ECE2: variants seen among roughly 807,000 people sequenced by gnomAD.
ECE2 encodes endothelin converting enzyme 2, also known as endothelin-converting enzyme 2.
A neutral mutation model predicts 100.6 loss-of-function variants in ECE2; 81 were observed. That is an observed-to-expected ratio of 0.81 (90% CI 0.67 to 0.97). ECE2 has a LOEUF of 0.97. ECE2 is among the 50% of genes least tolerant of loss of function. The pLI is 0.00. For synonymous variants in ECE2, 391 were observed against 391.5 expected (o/e 1.00, Z 0.02); for missense variants, 911 against 988.1 (o/e 0.92, Z 1.05).
Position 184,290,310 on chromosome 3 carries a change from C to A in ECE2, c.1607C>A (p.Ser536Tyr). ...FQNMLNLYNF[S>Y]AKVMADQLRK... ...AACATGTTGAATTTGTACAACTTCTCTGCCAAGGTTATGGCTGACCAGCTC... is the reference window on the plus strand; with the variant it reads ...AACATGTTGAATTTGTACAACTTCTATGCCAAGGTTATGGCTGACCAGCTC... Residue 536 changes from serine to tyrosine, a missense_variant, in exon 14 of 19, where the codon TCT becomes TAT. Physicochemically the swap from Ser to Tyr is moderately radical, Grantham distance 144. Coordinates refer to ENST00000404464, the MANE Select transcript of ECE2 (RefSeq NM_001100121.2). The A allele has an allele frequency of 6.2e-7, 1 of 1,614,154 alleles. No individual in the cohort carries two copies. The highest frequency in any genetic ancestry group is 8.5e-7 in the Non-Finnish European group (1 of 1,180,022).
chr3:184,289,511 G>A lies in ECE2; in HGVS notation c.1449G>A (p.Lys483=). 3 of 1,612,790 alleles carry A rather than the reference G, an allele frequency of 1.9e-6. No individual in the cohort carries two copies. The highest frequency in any genetic ancestry group is 2.2e-5 in the East Asian group (1 of 44,852). ...GACAGCTGGTTTGGATGGATGAGAA[G>A]ACCCGCCAGGCAGCCAAGGAGAAAG... The part of the protein sequence containing the change: ...ALGQLVWMDE[K]TRQAAKEKAD... The change falls in exon 12 of 19, where the codon AAG becomes AAA. Residue 483 remains lysine (K), a synonymous_variant. Transcript: ENST00000404464. This position sits in a 1 kb window ranked among gnomAD's most constrained non-coding sequence, Gnocchi z 4.1.
At chr3:184,283,203 T>C (rs1720877550) in intron 7 of ECE2, among the ~76,000 whole-genome samples, 1 of 152,098 alleles carries the variant, frequency 6.6e-6, no homozygotes, top group South Asian at 2.1e-4. Context: ...TGCTGTAACT[T>C]GGAACAATGC....
intron 4 of ECE2, 45 bp downstream of exon 4, chr3:184,277,511 G>A (rs893666510): frequency 6.2e-7 from 1 of 1,601,450 alleles, no homozygotes. Context: ...TATGTGCCTT[G>A]TGCCCAGCAC....
In ECE2 at chr3:184,276,571, G is replaced by A. The variant is rs1457938970; in HGVS notation, c.126+4G>A. The A allele has an allele frequency of 6.2e-7, 1 of 1,606,748 alleles. No individual in the cohort carries two copies. Among genetic ancestry groups the A allele is most frequent in the Non-Finnish European group, 8.5e-7 (1 of 1,177,446 alleles). On this transcript the variant is annotated splice_donor_region_variant and intron_variant, in intron 2 of 18. Transcript: ENST00000404464. ...GGCCTCCCCGGACGCCATGGAGGTG[G>A]GCAAGGGGGCTTCCCCTTTCTCACC...
intron 2 of ECE2, 117 bp from the exon 3 acceptor site, chr3:184,276,775 G>C: frequency 6.4e-7 from 1 of 1,560,968 alleles, no homozygotes; most frequent in Non-Finnish European, 8.7e-7. Flanking sequence ...TGGCCTCATT[G>C]CCCCCGGGCC....
chr3:184,278,197 G>A lies in ECE2; in HGVS notation c.634G>A (p.Asp212Asn). 1.9e-6 allele frequency: 3 copies of A among 1,614,152 alleles called. No individual in the cohort carries two copies. The highest frequency in any genetic ancestry group is 2.2e-5 in the South Asian group (2 of 91,082). ...IGGWNITGPW[D>N]QDNFMEVLKA... ...TGGTTGGAACATTACGGGGCCCTGGGACCAGGACAACTTTATGGAGGTGTT... is the reference window on the plus strand; with the variant it reads ...TGGTTGGAACATTACGGGGCCCTGGAACCAGGACAACTTTATGGAGGTGTT... Residue 212 changes from aspartate (D) to asparagine (N), a missense_variant, in exon 6 of 19, where the codon GAC (aspartate) becomes AAC (asparagine). Coordinates refer to ENST00000404464, the MANE Select transcript of ECE2 (RefSeq NM_001100121.2).
rs371149039 is a variant in ECE2, at chr3:184,285,092, C to T, written c.1135C>T (p.Arg379Cys). The stretch of plus-strand genomic sequence containing the variant: ...GCAGCAGGTGTCAGAGCTCATCAAC[C>T]GCACGGAACCAAGGTGTGGGGGTAG... The part of the protein sequence containing the change: ...YLQQVSELIN[R>C]TEPSILNNYL... The change falls in exon 9 of 19, where the codon CGC becomes TGC. Residue 379 changes from arginine to cysteine, a missense_variant. Physicochemically the swap from Arg to Cys is radical, Grantham distance 180. Transcript: ENST00000404464. 5.1e-5 allele frequency: 82 copies of T among 1,613,912 alleles called. No individual in the cohort carries two copies. Among genetic ancestry groups the T allele is most frequent in the Non-Finnish European group, 6.4e-5 (75 of 1,179,892 alleles).
chr3:184,283,773 G>A lies in ECE2; in HGVS notation c.817-12G>A, dbSNP rs371174475. The A allele has an allele frequency of 1.2e-4, 196 of 1,612,060 alleles. No homozygotes were observed. The highest frequency in any genetic ancestry group is 1.6e-4 in the Non-Finnish European group (187 of 1,179,120). The stretch of plus-strand genomic sequence containing the variant: ...TGTTGCTGGGCTCTGAGGATCACCC[G>A]GGCCTTGACAGGTGCTCACTGCCTA... On this transcript the variant is annotated splice_polypyrimidine_tract_variant and intron_variant, in intron 7 of 18. Coordinates refer to ENST00000404464, the MANE Select transcript of ECE2 (RefSeq NM_001100121.2).
At chr3:184,280,987 A>G (rs1014444853) in intron 7 of ECE2, among the ~76,000 whole-genome samples, 10 of 152,014 alleles carry the variant, frequency 6.6e-5, no homozygotes, top group African/African-American at 2.4e-4. Context: ...TCAAAAAAAA[A>G]AAAAAGAAAG....
rs761197819 is a variant in ECE2, at chr3:184,292,230, G to A, written c.2290G>A (p.Val764Met). The A allele has an allele frequency of 1.2e-6, 2 of 1,613,922 alleles. No individual in the cohort carries two copies. The highest frequency in any genetic ancestry group is 1.7e-6 in the Non-Finnish European group (2 of 1,179,978). ...CATGAACCCAGGGCAGCTGTGTGAG[G>A]TGTGGTAGACCTGGATCAGGGGAGA... ...SPMNPGQLCE[V>M]W The change falls in exon 19 of 19, where the codon GTG becomes ATG. Residue 764 changes from valine to methionine, a missense_variant. By Grantham distance (21) the Val-to-Met change is conservative (BLOSUM62 1). Coordinates refer to ENST00000404464, the MANE Select transcript of ECE2 (RefSeq NM_001100121.2).
In ECE2 at chr3:184,291,775, T is replaced by C; in HGVS notation, c.2122-287T>C. 1.9e-6 allele frequency: 1 copy of C among 513,754 alleles called. No homozygotes were observed. The highest frequency in any genetic ancestry group is 3.4e-6 in the Non-Finnish European group (1 of 290,184). The allele number at this position is 513,754 out of a possible 1,614,324, so 31.8% of individuals were successfully genotyped here. A position where few individuals can be genotyped will look rare whatever the true frequency, so the allele number is the denominator to read the frequency against. ...AGGGAGACATGCAGGAAACGAAAGC[T>C]CGGGACGCAGAGTGGCCTGTCCAGG... On this transcript the variant is annotated intron_variant, in intron 18 of 18. Coordinates refer to ENST00000404464, the MANE Select transcript of ECE2 (RefSeq NM_001100121.2). The surrounding 1 kb of genome is among the most constrained non-coding windows in gnomAD (Gnocchi z 4.1).
Position 184,291,899 on chromosome 3 carries a change from C to G in ECE2, c.2122-163C>G. The stretch of plus-strand genomic sequence containing the variant: ...CTTCTGGGGCTCCGCTTTTTCCCCT[C>G]GTCATGTCCATGCTGGGCAACCCGA... On this transcript the variant is annotated intron_variant, in intron 18 of 18. Transcript: ENST00000404464. The surrounding 1 kb of genome is among the most constrained non-coding windows in gnomAD (Gnocchi z 4.1). 1.3e-6 allele frequency: 1 copy of G among 745,380 alleles called. No homozygotes were observed. The highest frequency in any genetic ancestry group is 2.1e-6 in the Non-Finnish European group (1 of 469,954). The allele number at this position is 745,380 out of a possible 1,614,324, so 46.2% of individuals were successfully genotyped here.
chr3:184,290,458 G>A (rs146323761), intron 14 of ECE2, 99 bp from the exon 15 acceptor site: 18 of 1,555,134 alleles, frequency 1.2e-5, no homozygotes, highest in Admixed American at 3.4e-5. Context: ...GTCCCAGACC[G>A]GCGGCCCCAT....
At chr3:184,278,662 T>C in intron 7 of ECE2, 105 bp downstream of exon 7, 3 of 1,186,428 alleles carry the variant, frequency 2.5e-6, no homozygotes, top group African/African-American at 1.5e-5. Context: ...GGTGAGCCTA[T>C]CCTGTCACCT....
chr3:184,280,586 G>A (rs1234758927), intron 7 of ECE2, among the ~76,000 whole-genome samples: 1 of 152,198 alleles, frequency 6.6e-6, no homozygotes, highest in Admixed American at 6.5e-5. Context: ...CAGGGTGTCT[G>A]TAATCCAAAC....
rs1721198794 is a variant in ECE2, at chr3:184,289,300, A to G, written c.1375-137A>G. ...ATGGTGTTTCCTTCTCATCGTCTCC[A>G]GGTGCTCAGCCGTATTTCTTTAGTC... On this transcript the variant is annotated intron_variant, in intron 11 of 18. Coordinates refer to ENST00000404464, the MANE Select transcript of ECE2 (RefSeq NM_001100121.2). This position sits in a 1 kb window ranked among gnomAD's most constrained non-coding sequence, Gnocchi z 4.1. 1 of 720,390 alleles carries G rather than the reference A, an allele frequency of 1.4e-6. No homozygotes were observed. Among genetic ancestry groups the G allele is most frequent in the South Asian group, 1.9e-5 (1 of 53,226 alleles). The allele number at this position is 720,390 out of a possible 1,614,324, so 44.6% of individuals were successfully genotyped here.
intron 4 of ECE2, 143 bp from the exon 5 acceptor site, chr3:184,277,782 C>CT: frequency 7.5e-7 from 1 of 1,335,530 alleles, no homozygotes; most frequent in Admixed American, 2.2e-5. Flanking sequence ...GAAGCCACGG[C>CT]TTGCTGTTTC....
Position 184,289,112 on chromosome 3 carries a change from G to A in ECE2, c.1375-325G>A, listed in dbSNP as rs149538056. On this transcript the variant is annotated intron_variant, in intron 11 of 18. Transcript: ENST00000404464. The surrounding 1 kb of genome is among the most constrained non-coding windows in gnomAD (Gnocchi z 4.1). ...GGAGGTTGCAGTGAGCCGAGATTGC[G>A]CCACTGCACTCCATCCTAGGTAACA... is the stretch of plus-strand genomic sequence containing the variant. 3.2e-3 allele frequency among the ~76,000 whole-genome samples: 474 copies of A among 149,788 alleles called. 3 individuals carry two copies. The highest frequency in any genetic ancestry group is 0.011 in the African/African-American group (439 of 40,608).
Position 184,291,586 on chromosome 3 carries a change from G to T in ECE2, c.2121+147G>T. 1.3e-6 allele frequency: 1 copy of T among 788,306 alleles called. No homozygotes were observed. The highest frequency in any genetic ancestry group is 1.9e-6 in the Non-Finnish European group (1 of 519,770). The allele number at this position is 788,306 out of a possible 1,614,324, so 48.8% of individuals were successfully genotyped here. The stretch of plus-strand genomic sequence containing the variant: ...TGAAAGGTGGGCTGGGAAGGCCCAT[G>T]CCCAGAGCCTCCGGCCAGCCAGGGC... On this transcript the variant is annotated intron_variant, in intron 18 of 18. Coordinates refer to ENST00000404464, the MANE Select transcript of ECE2 (RefSeq NM_001100121.2). This position sits in a 1 kb window ranked among gnomAD's most constrained non-coding sequence, Gnocchi z 4.1.
Sources: gnomAD v4.1 joint callset for allele counts (sites outside exome capture counted in the v4.1 genomes callset) on GRCh38, gnomAD v4.1.1 for gene constraint, Gnocchi (gnomAD v3.1) non-coding constraint, MANE v1.5 for transcripts, NCBI Gene and HGNC (gene_info 2026-07-23, HGNC 2026-07-21) for gene names.